Variants in CNTNAP4 observed in about 807,000 individuals in gnomAD.
The protein encoded by CNTNAP4 is contactin associated protein family member 4, also known as contactin-associated protein-like 4.
Under a neutral mutation model 148.4 loss-of-function variants are expected in CNTNAP4, and 98 were observed. The ratio of observed to expected loss-of-function variants is 0.66; its 90% CI spans 0.56 to 0.78. CNTNAP4 has a LOEUF of 0.78. CNTNAP4 is among the 30% of genes least tolerant of loss of function. The pLI, the probability that CNTNAP4 is intolerant of heterozygous loss-of-function variation, is 0.00. For missense variants in CNTNAP4, 1,935 were observed against 1,565.6 expected (o/e 1.24, Z -3.98); for synonymous variants, 730 against 565.1 (o/e 1.29, Z -4.14).
At chr16:76,508,860 C>T (rs1179283567) in intron 15 of CNTNAP4, among the ~76,000 whole-genome samples, 1 of 90,458 alleles carries the variant, frequency 1.1e-5, no homozygotes, top group African/African-American at 2.7e-5. Flanking sequence ...TCACGCCATT[C>T]TCCTGCCTCA....
intron 3 of CNTNAP4, among the ~76,000 whole-genome samples, chr16:76,418,435 A>T (rs375319817): frequency 1.1e-4 from 16 of 147,920 alleles, no homozygotes; most frequent in South Asian, 6.3e-4. Context: ...TCTAGGGTAC[A>T]TGTGCACAAT....
At chr16:76,350,676 G>A (rs1418450690) in intron 2 of CNTNAP4, among the ~76,000 whole-genome samples, 1 of 152,070 alleles carries the variant, frequency 6.6e-6, no homozygotes, top group African/African-American at 2.4e-5. Flanking sequence ...AATTCAAAAA[G>A]CACTAACTGC....
chr16:76,376,904 GGTTTGTGTGTGT>G (rs780212957), intron 3 of CNTNAP4, among the ~76,000 whole-genome samples: 2 of 103,838 alleles, frequency 1.9e-5, no homozygotes, highest in Non-Finnish European at 3.8e-5. Flanking sequence ...AAACTAACAA[GGTTTGTGTGTGT>G]GTGTGTGTGT....
intron 12 of CNTNAP4, among the ~76,000 whole-genome samples, chr16:76,482,130 G>T (rs1001961100): frequency 1.3e-5 from 2 of 152,012 alleles, no homozygotes; most frequent in African/African-American, 4.8e-5. Context: ...AGCATGGGTG[G>T]AAAAGAGTGA....
Position 76,536,080 on chromosome 16 carries a change from T to C in CNTNAP4, c.2995+296T>C, listed in dbSNP as rs2084201558. On this transcript the variant is annotated intron_variant, in intron 18 of 23. Coordinates refer to ENST00000611870, the MANE Select transcript of CNTNAP4 (RefSeq NM_033401.5). ...GTCACCTTTATGTATTATAAAGTGT[T>C]AGTTGCTCAATCTGCTTTTTTCTAC... Among the ~76,000 whole-genome samples, 3 of 152,206 alleles carry C rather than the reference T, an allele frequency of 2.0e-5. No individual in the cohort carries two copies. The South Asian group carries it at 6.2e-4, about 32-fold the overall frequency.
At chr16:76,355,070 C>G (rs2012396162) in intron 2 of CNTNAP4, among the ~76,000 whole-genome samples, 1 of 152,150 alleles carries the variant, frequency 6.6e-6, no homozygotes, top group South Asian at 2.1e-4. Flanking sequence ...AAATATTCAG[C>G]AAGACCCCTA....
chr16:76,403,657 G>A (rs2078498608), intron 3 of CNTNAP4, among the ~76,000 whole-genome samples: 1 of 152,104 alleles, frequency 6.6e-6, no homozygotes, highest in Non-Finnish European at 1.5e-5. Flanking sequence ...AAAGAGCTAA[G>A]AACAGAACCA....
At chr16:76,446,167 C>G (rs17679369) in intron 4 of CNTNAP4, among the ~76,000 whole-genome samples, 48,449 of 151,936 alleles carry the variant, frequency 0.32, 9,302 homozygotes, top group East Asian at 0.41. Context: ...TGTGTATAGA[C>G]ATTTCACATA....
intron 1 of CNTNAP4, among the ~76,000 whole-genome samples, chr16:76,298,852 G>A (rs1959618553): frequency 6.6e-6 from 1 of 152,114 alleles, no homozygotes; most frequent in Admixed American, 6.6e-5. Context: ...AATACCAATA[G>A]TGAGTTGGGT....
intron 1 of CNTNAP4, among the ~76,000 whole-genome samples, chr16:76,310,057 C>T (rs746199749): frequency 2.2e-4 from 33 of 152,218 alleles, no homozygotes; most frequent in Admixed American, 9.2e-4. Flanking sequence ...GCTTCCTGGA[C>T]TGGCTCCTGT....
chr16:76,413,237 A>G (rs189644180), intron 3 of CNTNAP4, among the ~76,000 whole-genome samples: 4 of 150,752 alleles, frequency 2.7e-5, no homozygotes, highest in Non-Finnish European at 4.5e-5. Flanking sequence ...AACCATCCCC[A>G]CCTCCCTGCA....
At chr16:76,387,000 A>G (rs1216515655) in intron 3 of CNTNAP4, among the ~76,000 whole-genome samples, 3 of 152,016 alleles carry the variant, frequency 2.0e-5, no homozygotes, top group African/African-American at 7.3e-5. Flanking sequence ...AATTTGTGCA[A>G]CCTCTGCAAG....
intron 3 of CNTNAP4, among the ~76,000 whole-genome samples, chr16:76,421,228 T>C (rs940107912): frequency 9.9e-5 from 15 of 152,078 alleles, no homozygotes; most frequent in African/African-American, 3.1e-4. Context: ...CATTAATAAT[T>C]GTGTTCCTTC....
chr16:76,286,735 A>C (rs144844480), intron 1 of CNTNAP4, among the ~76,000 whole-genome samples: 5 of 152,290 alleles, frequency 3.3e-5, no homozygotes, highest in African/African-American at 9.6e-5. Flanking sequence ...TTTCACTTTT[A>C]TCTCTCAATT....
At chr16:76,333,928 T>C (rs981454337) in intron 2 of CNTNAP4, among the ~76,000 whole-genome samples, 4 of 151,962 alleles carry the variant, frequency 2.6e-5, no homozygotes. Flanking sequence ...TGTTGTTTCC[T>C]GACTTTTGAA....
At chr16:76,359,418 G>T (rs1446097410) in intron 3 of CNTNAP4, among the ~76,000 whole-genome samples, 2 of 151,744 alleles carry the variant, frequency 1.3e-5, no homozygotes, top group African/African-American at 4.9e-5. Context: ...AAATGCTGCA[G>T]GGAAAATTCT....
intron 3 of CNTNAP4, among the ~76,000 whole-genome samples, chr16:76,359,875 G>C (rs527328322): frequency 1.3e-5 from 2 of 152,238 alleles, no homozygotes; most frequent in South Asian, 4.2e-4. Flanking sequence ...CAATTGCTGA[G>C]ATATCGTGAA....
At chr16:76,410,637 G>A (rs1208587188) in intron 3 of CNTNAP4, among the ~76,000 whole-genome samples, 1 of 151,642 alleles carries the variant, frequency 6.6e-6, no homozygotes, top group Non-Finnish European at 1.5e-5. Context: ...GTTAAGCCCT[G>A]ATTACATTAT....
intron 2 of CNTNAP4, among the ~76,000 whole-genome samples, chr16:76,334,147 G>A (rs550645464): frequency 1.9e-3 from 288 of 150,852 alleles, no homozygotes; most frequent in Non-Finnish European, 3.1e-3. Context: ...AAACCTGCAC[G>A]TTGTGCACAT....
Sources: gnomAD v4.1 joint callset for allele counts (sites outside exome capture counted in the v4.1 genomes callset) on GRCh38, gnomAD v4.1.1 for gene constraint, MANE v1.5 for transcripts, NCBI Gene and HGNC (gene_info 2026-07-23, HGNC 2026-07-21) for gene names.